MN1: variants seen among roughly 807,000 people sequenced by gnomAD.
The protein encoded by MN1 is MN1 proto-oncogene, transcriptional regulator.
Under a neutral mutation model 86.9 loss-of-function variants are expected in MN1, and 19 were observed. The ratio of observed to expected loss-of-function variants is 0.22; its 90% CI spans 0.15 to 0.32. The LOEUF (loss-of-function observed/expected upper bound fraction) is 0.32, where lower values mean the gene tolerates loss of function less well. Ranked by LOEUF, MN1 falls within the 10% of genes least tolerant of loss-of-function variation. The pLI is 1.00. For synonymous variants in MN1, 928 were observed against 849.6 expected, an observed-to-expected ratio of 1.09 and a Z score of -1.60; for missense variants, 1,841 against 1,862.0, an observed-to-expected ratio of 0.99 and a Z score of 0.21.
At chr22:27,783,726 A>G (rs1440456098) in intron 1 of MN1, among the ~76,000 whole-genome samples, 1 of 152,204 alleles carries the variant, frequency 6.6e-6, no homozygotes, top group Non-Finnish European at 1.5e-5. Flanking sequence ...CTAGAATTCT[A>G]CCTAAACTTT....
chr22:27,750,889 G>C lies in MN1; in HGVS notation c.*26C>G, dbSNP rs1292118268. 1 of 1,553,942 alleles carries C rather than the reference G, an allele frequency of 6.4e-7. No homozygotes were observed. The highest frequency in any genetic ancestry group is 8.8e-7 in the Non-Finnish European group (1 of 1,142,764). On this transcript the variant is annotated 3_prime_UTR_variant, in exon 2 of 2. Coordinates refer to ENST00000302326, the MANE Select transcript of MN1 (RefSeq NM_002430.3). ...CAGACAGGGGGAGAGGAAGGGCCTG[G>C]TAGAGGAGGGGATCTTTCTTGTCAT...
At chr22:27,751,159 G>A (rs1333785425) in intron 1 of MN1, 63 bp from the exon 2 acceptor site, 24 of 1,426,072 alleles carry the variant, frequency 1.7e-5, no homozygotes, top group Non-Finnish European at 2.3e-5. Flanking sequence ...ACACCATAAT[G>A]GGGGCCAAAG....
At position 27,779,529 on chromosome 22, in the gene MN1, A is replaced by G. The variant is rs535358904; in HGVS notation, c.3781+17234T>C. Among the ~76,000 whole-genome samples the G allele has an allele frequency of 6.0e-4, 91 of 152,306 alleles. 3 individuals are homozygous for G. In the South Asian group the frequency reaches 0.019, roughly 31 times the overall value. Reference sequence around the variant, plus strand: ...CTGTTGGTAGGAAATACAGCTCCTCATCTCCGTGCCCATAAGTGGTTCTAA... The same window carrying G: ...CTGTTGGTAGGAAATACAGCTCCTCGTCTCCGTGCCCATAAGTGGTTCTAA... On this transcript the variant is annotated intron_variant, in intron 1 of 1. Transcript: ENST00000302326.
chr22:27,787,831 C>T (rs1161044863), intron 1 of MN1, among the ~76,000 whole-genome samples: 1 of 152,192 alleles, frequency 6.6e-6, no homozygotes, highest in Non-Finnish European at 1.5e-5. Flanking sequence ...CAGGGCCCAT[C>T]TGGGTCTTCA....
intron 1 of MN1, among the ~76,000 whole-genome samples, chr22:27,786,021 G>A (rs1273653474): frequency 6.6e-6 from 1 of 152,240 alleles, no homozygotes; most frequent in East Asian, 1.9e-4. Context: ...CAAAGACTCC[G>A]TCTGGCCCTC....
chr22:27,795,522 G>A (rs188654189), intron 1 of MN1, among the ~76,000 whole-genome samples: 1 of 151,980 alleles, frequency 6.6e-6, no homozygotes, highest in African/African-American at 2.4e-5. Flanking sequence ...ACTGGGGGGG[G>A]ACACATTTTC....
intron 1 of MN1, among the ~76,000 whole-genome samples, chr22:27,796,001 G>T (rs1254727035): frequency 6.6e-6 from 1 of 152,032 alleles, no homozygotes; most frequent in Non-Finnish European, 1.5e-5. Flanking sequence ...TGTCTTAAGA[G>T]TATATATCCA....
At position 27,750,870 on chromosome 22, in the gene MN1, G is replaced by C. The variant is rs548324895; in HGVS notation, c.*45C>G. ...AGGTTGAGGGGGAAGGAAACAGACA[G>C]GGGGAGAGGAAGGGCCTGGTAGAGG... On this transcript the variant is annotated 3_prime_UTR_variant, in exon 2 of 2. Coordinates refer to ENST00000302326, the MANE Select transcript of MN1 (RefSeq NM_002430.3). 9 of 1,502,088 alleles carry C rather than the reference G, an allele frequency of 6.0e-6. No individual in the cohort carries two copies. Among genetic ancestry groups the C allele is most frequent in the South Asian group, 3.8e-5 (3 of 78,164 alleles). 93.0% of individuals were successfully genotyped at this position (1,502,088 alleles called of 1,614,324 possible). A position where few individuals can be genotyped will look rare whatever the true frequency, so the allele number is the denominator to read the frequency against.
chr22:27,773,003 G>C (rs927327215), intron 1 of MN1, among the ~76,000 whole-genome samples: 1 of 151,432 alleles, frequency 6.6e-6, no homozygotes, highest in African/African-American at 2.4e-5. Context: ...TAGCTTTCTC[G>C]GCCTCCCCAA....
chr22:27,798,380 G>A lies in MN1; in HGVS notation c.2164C>T (p.Pro722Ser). 1 of 1,503,858 alleles carries A rather than the reference G, an allele frequency of 6.6e-7. No individual in the cohort carries two copies. The highest frequency in any genetic ancestry group is 8.8e-7 in the Non-Finnish European group (1 of 1,135,640). 93.2% of individuals were successfully genotyped at this position (1,503,858 alleles called of 1,614,324 possible). A position where few individuals can be genotyped will look rare whatever the true frequency, so the allele number is the denominator to read the frequency against. Residue 722 changes from proline (P) to serine (S), a missense_variant, in exon 1 of 2, where the codon CCC (proline) becomes TCC (serine). Coordinates refer to ENST00000302326, the MANE Select transcript of MN1 (RefSeq NM_002430.3). ...LQSPGAGVGL[P>S]SAASERRPPP... ...GGCCGGCGCTCCGAAGCAGCGCTGG[G>A]GAGCCCCACGCCCGCCCCGGGCGAC...
In MN1 at chr22:27,770,199, C is replaced by T. The variant is rs555400276; in HGVS notation, c.3782-19103G>A. ...AGCACAGCAGATAGCTCCCACAAGC[C>T]TCAGCCACCAGGCAGGGCAAATGCT... On this transcript the variant is annotated intron_variant, in intron 1 of 1. Coordinates refer to ENST00000302326, the MANE Select transcript of MN1 (RefSeq NM_002430.3). Among the ~76,000 whole-genome samples the T allele has an allele frequency of 3.3e-5, 5 of 152,340 alleles. No individual in the cohort carries two copies. In the South Asian group the frequency reaches 1.0e-3, roughly 32 times the overall value.
At chr22:27,759,117 C>A (rs1932818582) in intron 1 of MN1, among the ~76,000 whole-genome samples, 1 of 152,148 alleles carries the variant, frequency 6.6e-6, no homozygotes, top group African/African-American at 2.4e-5. Flanking sequence ...CATGAGCCAC[C>A]GTGCTCAGTC....
At chr22:27,754,504 A>G (rs1568969788) in intron 1 of MN1, among the ~76,000 whole-genome samples, 1 of 152,238 alleles carries the variant, frequency 6.6e-6, no homozygotes, top group Non-Finnish European at 1.5e-5. Flanking sequence ...AATGAGAAAG[A>G]GAGCCAACCA....
chr22:27,796,826 C>A lies in MN1; in HGVS notation c.3718G>T (p.Asp1240Tyr). 6.2e-7 allele frequency: 1 copy of A among 1,611,944 alleles called. No homozygotes were observed. Among genetic ancestry groups the A allele is most frequent in the East Asian group, 2.2e-5 (1 of 44,870 alleles). Reference sequence around the variant, plus strand: ...CAGGGCGCCAACGTCTTGTCGTCGTCCGCGCTGTCCACCAGGGCCTTGTCA... The same window carrying A: ...CAGGGCGCCAACGTCTTGTCGTCGTACGCGCTGTCCACCAGGGCCTTGTCA... ...PADKALVDSA[D>Y]DDKTLAPWEK... is the part of the protein sequence containing the mutation. The change falls in exon 1 of 2, where the codon GAC (aspartate) becomes TAC (tyrosine). Residue 1240 changes from aspartate (D) to tyrosine (Y), a missense_variant. Transcript: ENST00000302326.
In MN1 at chr22:27,776,853, G is replaced by A. The variant is rs45622232; in HGVS notation, c.3781+19910C>T. Reference sequence around the variant, plus strand: ...GCAAAGAATGTGGAAGAGCCCAAAGGAACTGGCCAGGACGATTGTTCCAGA... The same window carrying A: ...GCAAAGAATGTGGAAGAGCCCAAAGAAACTGGCCAGGACGATTGTTCCAGA... On this transcript the variant is annotated intron_variant, in intron 1 of 1. Coordinates refer to ENST00000302326, the MANE Select transcript of MN1 (RefSeq NM_002430.3). Among the ~76,000 whole-genome samples, 187 of 152,244 alleles carry A rather than the reference G, an allele frequency of 1.2e-3. 1 individual carries two copies. The highest frequency in any genetic ancestry group is 2.4e-3 in the Non-Finnish European group (161 of 68,008).
intron 1 of MN1, among the ~76,000 whole-genome samples, chr22:27,787,321 A>C (rs1429117827): frequency 1.3e-5 from 2 of 152,204 alleles, no homozygotes; most frequent in Admixed American, 6.5e-5. Context: ...CAAAAGTTAC[A>C]TTGCAGGGGA....
chr22:27,753,207 G>A (rs527727105), intron 1 of MN1, among the ~76,000 whole-genome samples: 5 of 152,306 alleles, frequency 3.3e-5, no homozygotes, highest in African/African-American at 1.2e-4. Context: ...TGCCAGGCAT[G>A]GTACAAACCC....
chr22:27,800,291 C>A lies in MN1; in HGVS notation c.253G>T (p.Ala85Ser). The change falls in exon 1 of 2, where the codon GCG (alanine) becomes TCG (serine). Residue 85 changes from alanine to serine, a missense_variant. Coordinates refer to ENST00000302326, the MANE Select transcript of MN1 (RefSeq NM_002430.3). ...CCAAAGAAGCCGTGCACAGGCTGCG[C>A]TTGCAGCCCCCCTGCGTGCAACTCC... is the stretch of plus-strand genomic sequence containing the variant. ...HSELHAGGLQ[A>S]QPVHGFFGGQ... 1 of 1,576,686 alleles carries A rather than the reference C, an allele frequency of 6.3e-7. No homozygotes were observed.
chr22:27,760,704 C>T (rs1932828921), intron 1 of MN1, among the ~76,000 whole-genome samples: 1 of 152,112 alleles, frequency 6.6e-6, no homozygotes, highest in Non-Finnish European at 1.5e-5. Context: ...ACGCAGAGCC[C>T]GAGGCAGGCC....
Sources: allele counts gnomAD v4.1 joint callset (sites outside exome capture counted in the v4.1 genomes callset), GRCh38; gene constraint gnomAD v4.1.1; transcripts MANE v1.5; gene names NCBI Gene and HGNC (gene_info 2026-07-23, HGNC 2026-07-21).